The following GTF2F2 variants were observed in gnomAD, a reference collection of about 807,000 sequenced individuals.
The protein encoded by GTF2F2 is ATP-dependent helicase GTF2F2.
Under a neutral mutation model 42.2 loss-of-function variants are expected in GTF2F2, and 23 were observed. That is an observed-to-expected ratio of 0.55 (90% CI 0.39 to 0.77). The LOEUF is 0.77. GTF2F2 is among the 30% of genes least tolerant of loss of function. The pLI is 0.00. For missense variants in GTF2F2, 261 were observed against 287.2 expected (o/e 0.91, Z 0.66); for synonymous variants, 105 against 100.8 (o/e 1.04, Z -0.25).
chr13:45,173,836 C>G (rs1871726998), intron 4 of GTF2F2, among the ~76,000 whole-genome samples: 1 of 151,964 alleles, frequency 6.6e-6, no homozygotes, highest in African/African-American at 2.4e-5. Context: ...CCAGGATGGT[C>G]TCGATCTCCT....
chr13:45,210,586 AGTTT>A (rs1873592728), intron 5 of GTF2F2, among the ~76,000 whole-genome samples: 1 of 152,088 alleles, frequency 6.6e-6, no homozygotes, highest in African/African-American at 2.4e-5. Context: ...ATGAAAACAA[AGTTT>A]GTTTTTTTCT....
chr13:45,153,313 C>T (rs1046727729), intron 4 of GTF2F2, among the ~76,000 whole-genome samples: 2 of 151,990 alleles, frequency 1.3e-5, no homozygotes, highest in Non-Finnish European at 2.9e-5. Context: ...CCACCGGGCC[C>T]GGCCGAATTT....
At chr13:45,230,184 C>G (rs1566143258) in intron 5 of GTF2F2, among the ~76,000 whole-genome samples, 2 of 151,838 alleles carry the variant, frequency 1.3e-5, no homozygotes, top group Non-Finnish European at 2.9e-5. Context: ...CCACTGCACT[C>G]CAGCCAGGGC....
intron 5 of GTF2F2, among the ~76,000 whole-genome samples, chr13:45,245,981 G>A (rs916231066): frequency 6.3e-5 from 9 of 143,242 alleles, no homozygotes; most frequent in East Asian, 2.1e-4. Context: ...CCACATCCAC[G>A]CCAACATCTA....
chr13:45,275,745 T>C (rs1220867886), intron 7 of GTF2F2, among the ~76,000 whole-genome samples: 1 of 152,142 alleles, frequency 6.6e-6, no homozygotes, highest in Non-Finnish European at 1.5e-5. Context: ...CTATTGTGAA[T>C]AGTGCTGCAG....
intron 1 of GTF2F2, among the ~76,000 whole-genome samples, chr13:45,126,322 G>C (rs1319654656): frequency 6.8e-6 from 1 of 147,698 alleles, no homozygotes; most frequent in African/African-American, 2.6e-5. Flanking sequence ...TGTGATCTTG[G>C]CTCACTGCAA....
chr13:45,165,310 A>AATATAT (rs1157066625), intron 4 of GTF2F2, among the ~76,000 whole-genome samples: 13 of 141,688 alleles, frequency 9.2e-5, no homozygotes, highest in African/African-American at 2.3e-4. Flanking sequence ...TTATATCTAA[A>AATATAT]ATATATATAT....
chr13:45,147,347 G>A (rs1300402036), intron 2 of GTF2F2, among the ~76,000 whole-genome samples: 1 of 152,186 alleles, frequency 6.6e-6, no homozygotes, highest in Non-Finnish European at 1.5e-5. Flanking sequence ...TTATGGAAGT[G>A]TCTTCTGCAT....
chr13:45,269,976 C>T (rs1383063571), intron 7 of GTF2F2, among the ~76,000 whole-genome samples: 1 of 151,992 alleles, frequency 6.6e-6, no homozygotes, highest in Non-Finnish European at 1.5e-5. Flanking sequence ...GGATTATAGG[C>T]GCCCACCACC....
intron 4 of GTF2F2, among the ~76,000 whole-genome samples, chr13:45,185,924 AAT>A (rs1210528017): frequency 6.6e-6 from 1 of 152,180 alleles, no homozygotes; most frequent in African/African-American, 2.4e-5. Context: ...TAAAAATCAA[AAT>A]AGTTTTGTTA....
intron 4 of GTF2F2, among the ~76,000 whole-genome samples, chr13:45,203,270 A>G (rs1593489436): frequency 6.7e-6 from 1 of 149,494 alleles, no homozygotes; most frequent in Non-Finnish European, 1.5e-5. Context: ...TTTTTAGTAG[A>G]GAGACGGTTT....
At chr13:45,123,072 C>T (rs1186953186) in intron 1 of GTF2F2, 3 of 151,852 alleles carry the variant, frequency 2.0e-5, no homozygotes, top group African/African-American at 7.3e-5. Context: ...AGAGTGACAT[C>T]CTGTCTCAAA....
At chr13:45,123,952 C>T (rs577553315) in intron 1 of GTF2F2, 5 of 654,740 alleles carry the variant, frequency 7.6e-6, no homozygotes, top group African/African-American at 3.6e-5. Flanking sequence ...AGGGACTCCC[C>T]AGCATTGAGG....
At chr13:45,197,624 A>G (rs1285725603) in intron 4 of GTF2F2, among the ~76,000 whole-genome samples, 1 of 152,122 alleles carries the variant, frequency 6.6e-6, no homozygotes, top group Non-Finnish European at 1.5e-5. Flanking sequence ...TTCATTGATC[A>G]TTGCTGCCTG....
At chr13:45,266,006 AAGTAAT>A (rs576160775) in intron 6 of GTF2F2, among the ~76,000 whole-genome samples, 78 of 152,340 alleles carry the variant, frequency 5.1e-4, no homozygotes, top group African/African-American at 1.8e-3. Flanking sequence ...TCAATTAACT[AAGTAAT>A]AGAACAGAAC....
intron 4 of GTF2F2, among the ~76,000 whole-genome samples, chr13:45,178,421 T>C (rs987652716): frequency 1.3e-5 from 2 of 150,592 alleles, no homozygotes; most frequent in African/African-American, 4.9e-5. Context: ...ATTTCTGAGT[T>C]TGTCTTTTTT....
intron 4 of GTF2F2, among the ~76,000 whole-genome samples, chr13:45,198,851 A>T (rs1873035096): frequency 6.6e-6 from 1 of 152,120 alleles, no homozygotes; most frequent in African/African-American, 2.4e-5. Context: ...TGAGGTATGA[A>T]TATTTTGTGT....
intron 5 of GTF2F2, among the ~76,000 whole-genome samples, chr13:45,228,706 T>A (rs1240013685): frequency 6.6e-6 from 1 of 150,404 alleles, no homozygotes; most frequent in Non-Finnish European, 1.5e-5. Flanking sequence ...GTTTTGCTCT[T>A]GTTGCCCAGG....
At chr13:45,276,967 G>C (rs1342121390) in intron 7 of GTF2F2, among the ~76,000 whole-genome samples, 1 of 152,124 alleles carries the variant, frequency 6.6e-6, no homozygotes, top group Non-Finnish European at 1.5e-5. Context: ...GGTGGAGTAG[G>C]GTTTGCACCT....
Sources: allele counts gnomAD v4.1 joint callset (sites outside exome capture counted in the v4.1 genomes callset), GRCh38; gene constraint gnomAD v4.1.1; transcripts MANE v1.5; gene names NCBI Gene and HGNC (gene_info 2026-07-23, HGNC 2026-07-21).